BICC1: variants seen among roughly 807,000 people sequenced by gnomAD.
The protein encoded by BICC1 is protein bicaudal C homolog 1.
A neutral mutation model predicts 111.0 loss-of-function variants in BICC1; 43 were observed. The observed-to-expected ratio is 0.39, with a 90% CI of 0.30 to 0.50. The LOEUF is 0.50. BICC1 is among the 20% of genes least tolerant of loss of function. The probability of loss-of-function intolerance (pLI) is 0.88; values close to 1 mark genes in which losing one functional copy is unlikely to be tolerated. For synonymous variants in BICC1, 467 were observed against 434.4 expected (o/e 1.07, Z -0.93); for missense variants, 1,091 against 1,203.2 (o/e 0.91, Z 1.38).
intron 2 of BICC1, among the ~76,000 whole-genome samples, chr10:58,652,300 A>C (rs1383489214): frequency 6.6e-6 from 1 of 152,114 alleles, no homozygotes; most frequent in Non-Finnish European, 1.5e-5. Context: ...GGGAATCCTG[A>C]GTTTTGAGGT....
chr10:58,782,450 T>C (rs557970058), intron 3 of BICC1, among the ~76,000 whole-genome samples: 1 of 152,336 alleles, frequency 6.6e-6, no homozygotes, highest in South Asian at 2.1e-4. Flanking sequence ...GTTTCTGTAC[T>C]TGAGTTAACC....
At chr10:58,582,094 T>C (rs1844298792) in intron 1 of BICC1, among the ~76,000 whole-genome samples, 1 of 152,348 alleles carries the variant, frequency 6.6e-6, no homozygotes, top group South Asian at 2.1e-4. Flanking sequence ...TTGCTCCTTC[T>C]TAGTACTCAT....
At chr10:58,575,269 G>A (rs1844077501) in intron 1 of BICC1, among the ~76,000 whole-genome samples, 1 of 151,584 alleles carries the variant, frequency 6.6e-6, no homozygotes, top group Non-Finnish European at 1.5e-5. Context: ...ACTTATGAGT[G>A]AGAACATGAC....
intron 2 of BICC1, among the ~76,000 whole-genome samples, chr10:58,645,137 C>T (rs769464868): frequency 5.3e-5 from 8 of 152,088 alleles, no homozygotes; most frequent in South Asian, 4.2e-4. Context: ...TGGCCAGGCG[C>T]GGTGGCTCAC....
At position 58,830,484 on chromosome 10, in the gene BICC1, A is replaced by G. The variant is rs1844523337; in HGVS notation, c.*1593A>G. 6.6e-6 allele frequency: 1 copy of G among 152,214 alleles called. No homozygotes were observed. The highest frequency in any genetic ancestry group is 1.9e-4 in the East Asian group (1 of 5,184). The allele number at this position is 152,214 out of a possible 1,614,324, so 9.4% of individuals were successfully genotyped here. On this transcript the variant is annotated 3_prime_UTR_variant, in exon 21 of 21. Coordinates refer to ENST00000373886, the MANE Select transcript of BICC1 (RefSeq NM_001080512.3). ...TCAGCAGAAGGCATTAGATAAGCAT[A>G]TACAAGAATTGGGTACTTTTATACA... is the stretch of plus-strand genomic sequence containing the variant.
In BICC1 at chr10:58,558,906, G is replaced by A. The variant is rs1327395522; in HGVS notation, c.190+45573G>A. Among the ~76,000 whole-genome samples the A allele has an allele frequency of 2.0e-5, 3 of 152,012 alleles. No individual in the cohort carries two copies. In the East Asian group the frequency reaches 5.8e-4, roughly 29 times the overall value. Reference sequence around the variant, plus strand: ...TTATAAGGTCACTGATCACATTTATGAGGGCTCTTTCCTTACACTTTAATC... The same window carrying A: ...TTATAAGGTCACTGATCACATTTATAAGGGCTCTTTCCTTACACTTTAATC... On this transcript the variant is annotated intron_variant, in intron 1 of 20. Transcript: ENST00000373886.
At chr10:58,810,329 A>C (rs562478953) in intron 17 of BICC1, among the ~76,000 whole-genome samples, 7 of 152,318 alleles carry the variant, frequency 4.6e-5, no homozygotes, top group Admixed American at 4.6e-4. Flanking sequence ...GGTGTTTAGC[A>C]GCACATTCAC....
chr10:58,689,876 A>G (rs938556509), intron 2 of BICC1, among the ~76,000 whole-genome samples: 2 of 152,204 alleles, frequency 1.3e-5, no homozygotes, highest in African/African-American at 4.8e-5. Context: ...TGGCTGAAGC[A>G]TATGACACTT....
intron 2 of BICC1, among the ~76,000 whole-genome samples, chr10:58,681,517 G>A (rs555624535): frequency 1.3e-5 from 2 of 152,328 alleles, no homozygotes; most frequent in East Asian, 3.9e-4. Flanking sequence ...TGCTGGAGAG[G>A]ATGTGGAGAA....
chr10:58,758,003 G>A (rs1842192847), intron 3 of BICC1, among the ~76,000 whole-genome samples: 1 of 152,118 alleles, frequency 6.6e-6, no homozygotes, highest in South Asian at 2.1e-4. Context: ...GGTTTCCTAA[G>A]CCATTCTGCA....
chr10:58,745,395 T>C (rs1162578211), intron 3 of BICC1, among the ~76,000 whole-genome samples: 1 of 152,098 alleles, frequency 6.6e-6, no homozygotes, highest in Non-Finnish European at 1.5e-5. Context: ...ATCAGAAATA[T>C]CTAGTGTTAG....
At chr10:58,810,666 T>A (rs1053243621) in intron 17 of BICC1, among the ~76,000 whole-genome samples, 1 of 151,982 alleles carries the variant, frequency 6.6e-6, no homozygotes, top group Non-Finnish European at 1.5e-5. Context: ...ATCCAGTGAG[T>A]ATTGCCTCTA....
chr10:58,801,972 A>C (rs184725365), intron 14 of BICC1, among the ~76,000 whole-genome samples: 1 of 152,272 alleles, frequency 6.6e-6, no homozygotes, highest in Admixed American at 6.5e-5. Context: ...TATGTCCTGA[A>C]CCTTCTTATC....
intron 1 of BICC1, among the ~76,000 whole-genome samples, chr10:58,551,023 A>C (rs187602055): frequency 1.1e-3 from 174 of 152,248 alleles, no homozygotes; most frequent in African/African-American, 4.0e-3. Flanking sequence ...CACGTCTCTG[A>C]TCTTCCTTCA....
intron 2 of BICC1, among the ~76,000 whole-genome samples, chr10:58,656,280 A>G (rs1310885711): frequency 6.6e-6 from 1 of 151,226 alleles, no homozygotes; most frequent in African/African-American, 2.4e-5. Flanking sequence ...ACAAGGAGGA[A>G]CTGGTACCAT....
chr10:58,804,161 T>G (rs906216333), intron 15 of BICC1, among the ~76,000 whole-genome samples: 2 of 152,142 alleles, frequency 1.3e-5, no homozygotes, highest in African/African-American at 4.8e-5. Context: ...TTTTCCTAAG[T>G]TTTTCGATGA....
At chr10:58,795,752 AT>A (rs540079456) in intron 9 of BICC1, among the ~76,000 whole-genome samples, 1 of 151,830 alleles carries the variant, frequency 6.6e-6, no homozygotes, top group African/African-American at 2.4e-5. Flanking sequence ...ATTATTTAGA[AT>A]TTTTTTTACC....
intron 20 of BICC1, chr10:58,823,831 A>G (rs1589176106): frequency 9.1e-6 from 9 of 985,324 alleles, no homozygotes; most frequent in African/African-American, 1.7e-5. Flanking sequence ...TAACGCTTCT[A>G]TAAGTTTGCC....
chr10:58,796,550 C>T (rs745803879), intron 10 of BICC1, 24 bp downstream of exon 10: 35 of 1,581,402 alleles, frequency 2.2e-5, no homozygotes, highest in Admixed American at 1.1e-4. Context: ...TATTACAGCG[C>T]GTCTCAGTCA....
Sources: allele counts gnomAD v4.1 joint callset (sites outside exome capture counted in the v4.1 genomes callset), GRCh38; gene constraint gnomAD v4.1.1; transcripts MANE v1.5; gene names NCBI Gene and HGNC (gene_info 2026-07-23, HGNC 2026-07-21).